Variants in PRDM2 observed in about 807,000 individuals in gnomAD.
PRDM2 encodes the protein PR domain zinc finger protein 2.
A neutral mutation model predicts 130.0 loss-of-function variants in PRDM2; 30 were observed. The ratio of observed to expected loss-of-function variants is 0.23; its 90% CI spans 0.17 to 0.31. PRDM2 has a LOEUF of 0.31. Among genes scored for constraint, PRDM2 ranks in the 10% least tolerant of loss-of-function variants. The pLI, the probability that PRDM2 is intolerant of heterozygous loss-of-function variation, is 1.00. For missense variants in PRDM2, 2,011 were observed against 2,108.4 expected (o/e 0.95, Z 0.90); for synonymous variants, 871 against 782.4 (o/e 1.11, Z -1.89).
chr1:13,780,140 C>T lies in PRDM2; in HGVS notation c.2345C>T (p.Pro782Leu), dbSNP rs750612605. ...KSKLESHSDS[P>L]AWSLSGRDER... Reference sequence around the variant, plus strand: ...AAATTAGAAAGTCACAGCGACTCACCAGCATGGAGTTTGTCTGGGAGAGAT... The same window carrying T: ...AAATTAGAAAGTCACAGCGACTCACTAGCATGGAGTTTGTCTGGGAGAGAT... The change falls in exon 8 of 10, where the codon CCA (proline) becomes CTA (leucine). Residue 782 changes from proline to leucine, a missense_variant. Pro to Leu is a moderately conservative substitution (Grantham distance 98). Around this residue, in one of 5 missense-constraint regions of PRDM2, gnomAD observed 1,288 missense variants for 1,237.7 expected, o/e 1.04. Transcript: ENST00000311066. The T allele has an allele frequency of 9.9e-6, 16 of 1,608,806 alleles. No homozygotes were observed. The Middle Eastern group carries it at 8.3e-4, about 83-fold the overall frequency.
rs751286832 is a variant in PRDM2, at chr1:13,779,829, T to G, written c.2034T>G (p.Ser678=). 8 of 1,614,082 alleles carry G rather than the reference T, an allele frequency of 5.0e-6. No homozygotes were observed. The East Asian group carries it at 1.8e-4, about 36-fold the overall frequency. The stretch of plus-strand genomic sequence containing the variant: ...GCATATCAACAACAGAGGCAGTGTC[T>G]TTCCACAAAGAGAAAAGTGTTTATT... ...PLSISTTEAV[S]FHKEKSVYLS... is the part of the protein sequence containing the mutation. The change falls in exon 8 of 10, where the codon TCT becomes TCG. Residue 678 remains serine, a synonymous_variant. Transcript: ENST00000311066. This position sits in a 1 kb window ranked among gnomAD's most constrained non-coding sequence, Gnocchi z 4.9.
intron 1 of PRDM2, among the ~76,000 whole-genome samples, chr1:13,705,948 C>G (rs1328346094): frequency 7.0e-6 from 1 of 143,130 alleles, no homozygotes; most frequent in Non-Finnish European, 1.5e-5. Flanking sequence ...CGCCACTGCA[C>G]TCCAGCCTGG....
chr1:13,766,370 A>C (rs1406417), intron 6 of PRDM2, among the ~76,000 whole-genome samples: 12,704 of 152,332 alleles, frequency 0.083, 827 homozygotes, highest in Admixed American at 0.21. Context: ...TAAGAATGAA[A>C]GAAATACCAA....
intron 1 of PRDM2, among the ~76,000 whole-genome samples, chr1:13,714,662 CATA>C: frequency 6.6e-6 from 1 of 152,072 alleles, no homozygotes; most frequent in Non-Finnish European, 1.5e-5. Flanking sequence ...ACAATTAGAA[CATA>C]ATGTTACAAT....
intron 5 of PRDM2, among the ~76,000 whole-genome samples, chr1:13,742,542 CAATGACTT>C (rs898077689): frequency 1.3e-5 from 2 of 152,188 alleles, no homozygotes; most frequent in African/African-American, 4.8e-5. Context: ...TTGTGACTGA[CAATGACTT>C]TGCAGACCTG....
intron 8 of PRDM2, chr1:13,787,016 A>G: frequency 2.0e-6 from 2 of 985,874 alleles, no homozygotes; most frequent in Non-Finnish European, 2.4e-6. Context: ...ATAGACAGAG[A>G]GAGGCATTTA....
At chr1:13,727,181 A>C (rs1642947059) in intron 2 of PRDM2, among the ~76,000 whole-genome samples, 1 of 151,810 alleles carries the variant, frequency 6.6e-6, no homozygotes, top group Non-Finnish European at 1.5e-5. Context: ...TGTTTCCCCA[A>C]TATTGTCACA....
intron 2 of PRDM2, among the ~76,000 whole-genome samples, chr1:13,728,586 C>G (rs1643001615): frequency 6.6e-6 from 1 of 152,022 alleles, no homozygotes; most frequent in Admixed American, 6.6e-5. Context: ...GTAGTTTGGT[C>G]TTTTTGTAAT....
At chr1:13,768,270 A>G (rs1329238538) in intron 6 of PRDM2, among the ~76,000 whole-genome samples, 1 of 150,982 alleles carries the variant, frequency 6.6e-6, no homozygotes, top group Non-Finnish European at 1.5e-5. Context: ...TTTTTAGCAG[A>G]GACGGGGTTT....
At chr1:13,748,375 C>T (rs1643680686) in intron 5 of PRDM2, among the ~76,000 whole-genome samples, 1 of 152,244 alleles carries the variant, frequency 6.6e-6, no homozygotes, top group East Asian at 1.9e-4. Context: ...TTCTTTTTTA[C>T]TGATTAGTTG....
At chr1:13,725,012 C>T (rs551324925) in intron 2 of PRDM2, among the ~76,000 whole-genome samples, 1 of 152,242 alleles carries the variant, frequency 6.6e-6, no homozygotes, top group East Asian at 1.9e-4. Flanking sequence ...CTCTAGGAGT[C>T]GGTCCTGTCT....
intron 1 of PRDM2, 25 bp from the exon 2 acceptor site, chr1:13,715,516 T>A: frequency 8.3e-7 from 1 of 1,204,566 alleles, no homozygotes; most frequent in Non-Finnish European, 1.2e-6. Flanking sequence ...AGGTACATAT[T>A]ACAATTGTCT....
rs539587195 is a variant in PRDM2 at position 13,785,681 on chromosome 1, C to T, written c.5036+2850C>T. Among the ~76,000 whole-genome samples the T allele has an allele frequency of 6.0e-5, 7 of 117,166 alleles. No individual in the cohort carries two copies. In the South Asian group the frequency reaches 1.7e-3, roughly 28 times the overall value. 76.9% of individuals were successfully genotyped at this position (117,166 alleles called of 152,430 possible). A position where few individuals can be genotyped will look rare whatever the true frequency, so the allele number is the denominator to read the frequency against. On this transcript the variant is annotated intron_variant, in intron 8 of 9. Coordinates refer to ENST00000311066, the MANE Select transcript of PRDM2 (RefSeq NM_001393986.1). ...CTACAGTGACCCACCCCCCACCCCTCGCCATGGCTTTCTGGAGTGCTGAGT... is the reference window on the plus strand; with the variant it reads ...CTACAGTGACCCACCCCCCACCCCTTGCCATGGCTTTCTGGAGTGCTGAGT...
rs772348241 is a variant in PRDM2 at position 13,779,720 on chromosome 1, C to T, written c.1925C>T (p.Ala642Val). Residue 642 changes from alanine to valine, a missense_variant, in exon 8 of 10, where the codon GCG becomes GTG. Ala to Val is a moderately conservative substitution (Grantham distance 64, BLOSUM62 0). Transcript: ENST00000311066. The surrounding 1 kb of genome is among the most constrained non-coding windows in gnomAD (Gnocchi z 4.9). ...AGTGAGGCCAAGAAGCGGAGAACTG[C>T]GAGCCCACCTGCACTGCCCAAAATT... is the stretch of plus-strand genomic sequence containing the variant. ...TNSEAKKRRT[A>V]SPPALPKIKA... 5 of 1,613,974 alleles carry T rather than the reference C, an allele frequency of 3.1e-6. No individual in the cohort carries two copies. Among genetic ancestry groups the T allele is most frequent in the African/African-American group, 2.7e-5 (2 of 75,016 alleles).
intron 8 of PRDM2, among the ~76,000 whole-genome samples, chr1:13,789,261 T>C (rs771289406): frequency 1.3e-4 from 20 of 152,242 alleles, no homozygotes; most frequent in Non-Finnish European, 2.4e-4. Context: ...CATTGAAACA[T>C]TTCACAGTGT....
chr1:13,789,051 C>T (rs1392439365), intron 8 of PRDM2, among the ~76,000 whole-genome samples: 2 of 152,154 alleles, frequency 1.3e-5, no homozygotes, highest in Non-Finnish European at 2.9e-5. Context: ...GGGATGATGG[C>T]TCGGTCTCCA....
rs1440341881 is a variant in PRDM2 at position 13,779,074 on chromosome 1, T to C, written c.1279T>C (p.Ser427Pro). Residue 427 changes from serine to proline, a missense_variant, in exon 8 of 10, where the codon TCA becomes CCA. By Grantham distance (74) the Ser-to-Pro change is moderately conservative. Coordinates refer to ENST00000311066, the MANE Select transcript of PRDM2 (RefSeq NM_001393986.1). This position sits in a 1 kb window ranked among gnomAD's most constrained non-coding sequence, Gnocchi z 4.9. ...KRKPSQTLQP[S>P]EDLADGKASG... ...GAAACCCAGCCAAACACTACAGCCG[T>C]CAGAGGATCTGGCTGATGGCAAAGC... is the stretch of plus-strand genomic sequence containing the variant. 6.2e-7 allele frequency: 1 copy of C among 1,614,042 alleles called. No individual in the cohort carries two copies. Among genetic ancestry groups the C allele is most frequent in the Non-Finnish European group, 8.5e-7 (1 of 1,180,038 alleles).
intron 6 of PRDM2, among the ~76,000 whole-genome samples, chr1:13,767,059 C>T (rs948208156): frequency 2.0e-5 from 3 of 152,168 alleles, no homozygotes; most frequent in Non-Finnish European, 4.4e-5. Flanking sequence ...TCCCAGGCAT[C>T]AGTGGTATAA....
At chr1:13,751,057 C>T (rs1047610025) in intron 6 of PRDM2, among the ~76,000 whole-genome samples, 7 of 152,092 alleles carry the variant, frequency 4.6e-5, no homozygotes, top group Non-Finnish European at 5.9e-5. Flanking sequence ...ACGCTTTTCT[C>T]TGTTTGGCAT....
Sources: allele counts gnomAD v4.1 joint callset (sites outside exome capture counted in the v4.1 genomes callset), GRCh38; gene constraint gnomAD v4.1.1; regional missense constraint gnomAD v4.1.1; non-coding constraint Gnocchi (gnomAD v3.1); transcripts MANE v1.5; gene names NCBI Gene and HGNC (gene_info 2026-07-23, HGNC 2026-07-21).